The following PCDHB4 variants were observed in gnomAD, a reference collection of about 807,000 sequenced individuals.
PCDHB4 encodes protocadherin beta 4.
For missense variants in PCDHB4, 1,063 were observed against 1,007.0 expected (o/e 1.06, Z -0.75); for synonymous variants, 482 against 447.3 (o/e 1.08, Z -0.98).
Position 141,123,227 on chromosome 5 carries a change from G to C in PCDHB4, c.1229G>C (p.Arg410Pro), listed in dbSNP as rs782143153. Reference sequence around the variant, plus strand: ...CTGGTAACAGAGAGACCACTGGACCGAGAGACCAGCGCTGAGTACAACATC... The same window carrying C: ...CTGGTAACAGAGAGACCACTGGACCCAGAGACCAGCGCTGAGTACAACATC... ...YTLVTERPLDRETSAEYNITI... is the reference protein window; with the variant it reads ...YTLVTERPLDPETSAEYNITI... Residue 410 changes from arginine (R) to proline (P), a missense_variant, in exon 1 of 1, where the codon CGA becomes CCA. Arg to Pro is a moderately radical substitution (Grantham distance 103). Coordinates refer to ENST00000194152, the MANE Select transcript of PCDHB4 (RefSeq NM_018938.4). 3.4e-5 allele frequency: 55 copies of C among 1,614,034 alleles called. No individual in the cohort carries two copies. The highest frequency in any genetic ancestry group is 2.2e-5 in the East Asian group (1 of 44,894).
rs1554274435 is a variant in PCDHB4, at chr5:141,122,901, G to A, written c.903G>A (p.Leu301=). 1 of 1,607,110 alleles carries A rather than the reference G, an allele frequency of 6.2e-7. No individual in the cohort carries two copies. Among genetic ancestry groups the A allele is most frequent in the East Asian group, 2.2e-5 (1 of 44,864 alleles). ...FSINEVTGEI[L]LKKKLDFEKI... is the part of the protein sequence containing the mutation. ...TAAATGAAGTCACGGGAGAAATACT[G>A]TTGAAAAAAAAATTGGATTTCGAAA... The change falls in exon 1 of 1, where the codon CTG becomes CTA. Residue 301 remains leucine (L), a synonymous_variant. Coordinates refer to ENST00000194152, the MANE Select transcript of PCDHB4 (RefSeq NM_018938.4).
Position 141,124,373 on chromosome 5 carries a change from T to A in PCDHB4, c.2375T>A (p.Leu792Ter). Residue 792 changes from leucine (L) to a stop codon, truncating the protein, a stop_gained, in exon 1 of 1, where the codon TTG (leucine) becomes TAG (stop). Transcript: ENST00000194152. LOFTEE classifies it high-confidence loss of function. ...VKENPKFRNS[L>*]VFS ...GAAAACCCCAAGTTCAGAAATAGCT[T>A]GGTATTCAGTTAAGTATTGTATTTA... 6.2e-7 allele frequency: 1 copy of A among 1,606,896 alleles called. No individual in the cohort carries two copies. Among genetic ancestry groups the A allele is most frequent in the South Asian group, 1.1e-5 (1 of 90,086 alleles).
In PCDHB4 at chr5:141,122,221, C is replaced by A; in HGVS notation, c.223C>A (p.Gln75Lys). The change falls in exon 1 of 1, where the codon CAG (glutamine) becomes AAG (lysine). Residue 75 changes from glutamine to lysine, a missense_variant. Physicochemically the swap from Gln to Lys is moderately conservative, Grantham distance 53. Transcript: ENST00000194152. The part of the protein sequence containing the change: ...VLSDDDKQRL[Q>K]LDRQTGDLLL... ...GTCTGACGATGACAAGCAGCGTTTG[C>A]AGCTGGATCGTCAGACTGGAGATTT... 6.2e-7 allele frequency: 1 copy of A among 1,614,136 alleles called. No homozygotes were observed. The highest frequency in any genetic ancestry group is 8.5e-7 in the Non-Finnish European group (1 of 1,180,018).
At position 141,123,262 on chromosome 5, in the gene PCDHB4, G is replaced by T. The variant is rs781908551; in HGVS notation, c.1264G>T (p.Val422Phe). 2 of 1,614,096 alleles carry T rather than the reference G, an allele frequency of 1.2e-6. No homozygotes were observed. The highest frequency in any genetic ancestry group is 4.5e-5 in the East Asian group (2 of 44,882). ...TSAEYNITIA[V>F]TDLGTPRLKT... is the part of the protein sequence containing the mutation. ...CGCTGAGTACAACATCACCATCGCCGTCACTGACTTGGGGACACCCAGGCT... is the reference window on the plus strand; with the variant it reads ...CGCTGAGTACAACATCACCATCGCCTTCACTGACTTGGGGACACCCAGGCT... The change falls in exon 1 of 1, where the codon GTC (valine) becomes TTC (phenylalanine). Residue 422 changes from valine (V) to phenylalanine (F), a missense_variant. By Grantham distance (50) the Val-to-Phe change is conservative (BLOSUM62 -1). Transcript: ENST00000194152.
Position 141,123,214 on chromosome 5 carries a change from A to G in PCDHB4, c.1216A>G (p.Arg406Gly). ...GAATTTTTACACCCTGGTAACAGAGAGACCACTGGACCGAGAGACCAGCGC... is the reference window on the plus strand; with the variant it reads ...GAATTTTTACACCCTGGTAACAGAGGGACCACTGGACCGAGAGACCAGCGC... ...LKNFYTLVTE[R>G]PLDRETSAEY... Residue 406 changes from arginine (R) to glycine (G), a missense_variant, in exon 1 of 1, where the codon AGA (arginine) becomes GGA (glycine). Physicochemically the swap from Arg to Gly is moderately radical, Grantham distance 125 (BLOSUM62 -2). Coordinates refer to ENST00000194152, the MANE Select transcript of PCDHB4 (RefSeq NM_018938.4). 2 of 1,614,194 alleles carry G rather than the reference A, an allele frequency of 1.2e-6. No homozygotes were observed. Among genetic ancestry groups the G allele is most frequent in the Non-Finnish European group, 1.7e-6 (2 of 1,180,030 alleles).
chr5:141,124,336 A>G lies in PCDHB4; in HGVS notation c.2338A>G (p.Arg780Gly). Reference sequence around the variant, plus strand: ...TAATCTCTTGGTTCAGGACACCGGGAGGGAAGTTAAGGAAAACCCCAAGTT... The same window carrying G: ...TAATCTCTTGGTTCAGGACACCGGGGGGGAAGTTAAGGAAAACCCCAAGTT... ...FPNLLVQDTG[R>G]EVKENPKFRN... is the part of the protein sequence containing the mutation. Residue 780 changes from arginine (R) to glycine (G), a missense_variant, in exon 1 of 1, where the codon AGG becomes GGG. By Grantham distance (125) the Arg-to-Gly change is moderately radical. Transcript: ENST00000194152. 1 of 1,613,490 alleles carries G rather than the reference A, an allele frequency of 6.2e-7. No homozygotes were observed. The highest frequency in any genetic ancestry group is 1.3e-5 in the African/African-American group (1 of 74,988).
At position 141,122,906 on chromosome 5, in the gene PCDHB4, A is replaced by G; in HGVS notation, c.908A>G (p.Lys303Arg). The G allele has an allele frequency of 6.2e-7, 1 of 1,608,964 alleles. No individual in the cohort carries two copies. Among genetic ancestry groups the G allele is most frequent in the Non-Finnish European group, 8.5e-7 (1 of 1,178,732 alleles). Reference protein sequence around the residue: ...INEVTGEILLKKKLDFEKIKS... With the variant: ...INEVTGEILLRKKLDFEKIKS... ...GAAGTCACGGGAGAAATACTGTTGA[A>G]AAAAAAATTGGATTTCGAAAAAATT... The change falls in exon 1 of 1, where the codon AAA (lysine) becomes AGA (arginine). Residue 303 changes from lysine (K) to arginine (R), a missense_variant. Coordinates refer to ENST00000194152, the MANE Select transcript of PCDHB4 (RefSeq NM_018938.4).
rs1554274355 is a variant in PCDHB4, at chr5:141,122,471, AT to A, written c.476del (p.Leu159TrpfsTer51). 1 of 1,614,230 alleles carries A rather than the reference AT, an allele frequency of 6.2e-7. No individual in the cohort carries two copies. Among genetic ancestry groups the A allele is most frequent in the East Asian group, 2.2e-5 (1 of 44,888 alleles). ...CTATTTCCGTTGCTAATAGCTGAGG[AT>A]TTGGATGTGGGCAGCAATGGTCTTC... ...GTLFPLLIAE[D>X]LDVGSNGLQK... On this transcript the variant is annotated frameshift_variant, in exon 1 of 1. Coordinates refer to ENST00000194152, the MANE Select transcript of PCDHB4 (RefSeq NM_018938.4). LOFTEE classifies it low-confidence loss of function (END_TRUNC).
In PCDHB4 at chr5:141,123,925, G is replaced by A. The variant is rs1554274666; in HGVS notation, c.1927G>A (p.Val643Ile). The A allele has an allele frequency of 1.2e-6, 2 of 1,605,662 alleles. No individual in the cohort carries two copies. Among genetic ancestry groups the A allele is most frequent in the South Asian group, 2.2e-5 (2 of 90,982 alleles). Residue 643 changes from valine (V) to isoleucine (I), a missense_variant, in exon 1 of 1, where the codon GTC becomes ATC. Physicochemically the swap from Val to Ile is conservative, Grantham distance 29. Coordinates refer to ENST00000194152, the MANE Select transcript of PCDHB4 (RefSeq NM_018938.4). ...AGCCAAGCACAGGCTCGTGGTGCTT[G>A]TCAAGGACAATGGCGAGCCTCCGCG... ...DAAKHRLVVLVKDNGEPPRSA... is the reference protein window; with the variant it reads ...DAAKHRLVVLIKDNGEPPRSA...
chr5:141,124,390 T>C lies in PCDHB4; in HGVS notation c.*4T>C. The C allele has an allele frequency of 1.3e-6, 2 of 1,582,168 alleles. No homozygotes were observed. The highest frequency in any genetic ancestry group is 1.7e-6 in the Non-Finnish European group (2 of 1,163,170). ...AAATAGCTTGGTATTCAGTTAAGTA[T>C]TGTATTTAGTTCAGTGAACCGCCCG... On this transcript the variant is annotated 3_prime_UTR_variant, in exon 1 of 1. Transcript: ENST00000194152.
Position 141,123,831 on chromosome 5 carries a change from T to A in PCDHB4, c.1833T>A (p.Pro611=). Residue 611 remains proline (P), a synonymous_variant, in exon 1 of 1, where the codon CCT becomes CCA. Transcript: ENST00000194152. ...LSYQLLKATE[P]GLFGVWAHNG... ...ACCAGCTGCTCAAGGCCACGGAGCC[T>A]GGGCTGTTCGGCGTGTGGGCGCACA... The A allele has an allele frequency of 6.2e-7, 1 of 1,608,972 alleles. No homozygotes were observed. The highest frequency in any genetic ancestry group is 1.1e-5 in the South Asian group (1 of 90,942).
In PCDHB4 at chr5:141,124,212, A is replaced by C. The variant is rs147986368; in HGVS notation, c.2214A>C (p.Val738=). 4.3e-6 allele frequency: 7 copies of C among 1,614,060 alleles called. No individual in the cohort carries two copies. In the East Asian group the frequency reaches 1.6e-4, roughly 36 times the overall value. The part of the protein sequence containing the change: ...EGPFPGHLVD[V]SGTGTLSQSY... ...CCTTTCCAGGGCATCTGGTGGACGT[A>C]AGCGGCACCGGGACCCTGTCCCAGA... Residue 738 remains valine, a synonymous_variant, in exon 1 of 1, where the codon GTA becomes GTC. Coordinates refer to ENST00000194152, the MANE Select transcript of PCDHB4 (RefSeq NM_018938.4).
rs568495228 is a variant in PCDHB4, at chr5:141,123,595, T to G, written c.1597T>G (p.Ser533Ala). The G allele has an allele frequency of 3.3e-5, 53 of 1,600,316 alleles. No individual in the cohort carries two copies. Among genetic ancestry groups the G allele is most frequent in the East Asian group, 9.1e-5 (4 of 43,920 alleles). The change falls in exon 1 of 1, where the codon TCA becomes GCA. Residue 533 changes from serine to alanine, a missense_variant. Ser to Ala is a moderately conservative substitution (Grantham distance 99, BLOSUM62 1). Coordinates refer to ENST00000194152, the MANE Select transcript of PCDHB4 (RefSeq NM_018938.4). ...GGCGTTCGAGTTCCGCGTGGGCGCC[T>G]CAGACCGCGGTTCTCCGGCTTTGAG... is the stretch of plus-strand genomic sequence containing the variant. ...LQAFEFRVGA[S>A]DRGSPALSSE...
At position 141,123,275 on chromosome 5, in the gene PCDHB4, G is replaced by A. The variant is rs188369449; in HGVS notation, c.1277G>A (p.Gly426Glu). 1.4e-4 allele frequency: 233 copies of A among 1,614,114 alleles called. No homozygotes were observed. The highest frequency in any genetic ancestry group is 4.3e-4 in the Admixed American group (26 of 60,016). Residue 426 changes from glycine to glutamate, a missense_variant, in exon 1 of 1, where the codon GGG (glycine) becomes GAG (glutamate). Transcript: ENST00000194152. The part of the protein sequence containing the change: ...YNITIAVTDL[G>E]TPRLKTQQNI... ...ATCACCATCGCCGTCACTGACTTGG[G>A]GACACCCAGGCTGAAAACCCAGCAG...
At position 141,122,863 on chromosome 5, in the gene PCDHB4, C is replaced by A. The variant is rs1752318464; in HGVS notation, c.865C>A (p.Gln289Lys). The A allele has an allele frequency of 6.2e-7, 1 of 1,613,400 alleles. No individual in the cohort carries two copies. The highest frequency in any genetic ancestry group is 1.3e-5 in the African/African-American group (1 of 74,842). Residue 289 changes from glutamine (Q) to lysine (K), a missense_variant, in exon 1 of 1, where the codon CAA becomes AAA. Coordinates refer to ENST00000194152, the MANE Select transcript of PCDHB4 (RefSeq NM_018938.4). ...ATTCCAAGCATCAGATGAAATTAAACAAACTTTCTCAATAAATGAAGTCAC... is the reference window on the plus strand; with the variant it reads ...ATTCCAAGCATCAGATGAAATTAAAAAAACTTTCTCAATAAATGAAGTCAC... ...GLFQASDEIK[Q>K]TFSINEVTGE...
At position 141,124,045 on chromosome 5, in the gene PCDHB4, G is replaced by T; in HGVS notation, c.2047G>T (p.Asp683Tyr). ...PEAAPAQAQA[D>Y]SLTVYLVVAL... The stretch of plus-strand genomic sequence containing the variant: ...GGCGGCCCCGGCCCAGGCCCAGGCC[G>T]ACTCTCTCACCGTCTACCTGGTGGT... Residue 683 changes from aspartate to tyrosine, a missense_variant, in exon 1 of 1, where the codon GAC (aspartate) becomes TAC (tyrosine). Physicochemically the swap from Asp to Tyr is radical, Grantham distance 160 (BLOSUM62 -3). Transcript: ENST00000194152. 6.2e-7 allele frequency: 1 copy of T among 1,606,614 alleles called. No individual in the cohort carries two copies. The highest frequency in any genetic ancestry group is 8.5e-7 in the Non-Finnish European group (1 of 1,179,726).
Position 141,124,482 on chromosome 5 carries a change from C to T in PCDHB4, c.*96C>T, listed in dbSNP as rs1162533108. 3.7e-6 allele frequency: 4 copies of T among 1,082,208 alleles called. No homozygotes were observed. The highest frequency in any genetic ancestry group is 5.2e-6 in the Non-Finnish European group (4 of 765,240). 67.0% of individuals were successfully genotyped at this position (1,082,208 alleles called of 1,614,324 possible). A position where few individuals can be genotyped will look rare whatever the true frequency, so the allele number is the denominator to read the frequency against. On this transcript the variant is annotated 3_prime_UTR_variant, in exon 1 of 1. Transcript: ENST00000194152. ...AAAATTGTCTACTTATCTAAATATT[C>T]ATACCACAATTTCAAACCTACTCAT...
At position 141,121,976 on chromosome 5, in the gene PCDHB4, G is replaced by A. The variant is rs892665764; in HGVS notation, c.-23G>A. 7 of 1,520,822 alleles carry A rather than the reference G, an allele frequency of 4.6e-6. No homozygotes were observed. Among genetic ancestry groups the A allele is most frequent in the South Asian group, 3.8e-5 (3 of 78,052 alleles). The allele number at this position is 1,520,822 out of a possible 1,614,324, so 94.2% of individuals were successfully genotyped here. A position where few individuals can be genotyped will look rare whatever the true frequency, so the allele number is the denominator to read the frequency against. On this transcript the variant is annotated 5_prime_UTR_variant, in exon 1 of 1. Coordinates refer to ENST00000194152, the MANE Select transcript of PCDHB4 (RefSeq NM_018938.4). The stretch of plus-strand genomic sequence containing the variant: ...CTCGTTGCGGTTGCTGAGGGGATTG[G>A]ATATAGGGACCTGGACTCCAACATG...
chr5:141,124,492 T>C lies in PCDHB4; in HGVS notation c.*106T>C. On this transcript the variant is annotated 3_prime_UTR_variant, in exon 1 of 1. Transcript: ENST00000194152. Reference sequence around the variant, plus strand: ...ACTTATCTAAATATTCATACCACAATTTCAAACCTACTCATGTCCCTGATA... The same window carrying C: ...ACTTATCTAAATATTCATACCACAACTTCAAACCTACTCATGTCCCTGATA... 5.1e-6 allele frequency: 5 copies of C among 982,964 alleles called. No individual in the cohort carries two copies. The highest frequency in any genetic ancestry group is 7.4e-6 in the Non-Finnish European group (5 of 678,700). 60.9% of individuals were successfully genotyped at this position (982,964 alleles called of 1,614,324 possible). A position where few individuals can be genotyped will look rare whatever the true frequency, so the allele number is the denominator to read the frequency against.
Sources: gnomAD v4.1 joint callset for allele counts on GRCh38, gnomAD v4.1.1 for gene constraint, MANE v1.5 for transcripts, NCBI Gene and HGNC (gene_info 2026-07-23, HGNC 2026-07-21) for gene names.